VPS13B: variants seen among roughly 807,000 people sequenced by gnomAD.
VPS13B encodes intermembrane lipid transfer protein VPS13B.
A neutral mutation model predicts 426.4 loss-of-function variants in VPS13B; 285 were observed. The observed-to-expected ratio is 0.67, with a 90% CI of 0.61 to 0.74. The LOEUF is 0.74. VPS13B is among the 30% of genes least tolerant of loss of function. The pLI, the probability that VPS13B is intolerant of heterozygous loss-of-function variation, is 0.00. For missense variants in VPS13B, 4,537 were observed against 4,782.6 expected, an observed-to-expected ratio of 0.95 and a Z score of 1.51; for synonymous variants, 1,676 against 1,676.4, an observed-to-expected ratio of 1.00 and a Z score of 0.01.
intron 2 of VPS13B, among the ~76,000 whole-genome samples, chr8:99,033,320 C>T (rs1490409110): frequency 2.0e-5 from 3 of 152,160 alleles, no homozygotes; most frequent in African/African-American, 7.2e-5. Context: ...AGGTGTTAAT[C>T]TACTAAAAGT....
chr8:99,565,382 A>C (rs1198266504), intron 31 of VPS13B, among the ~76,000 whole-genome samples: 6 of 151,012 alleles, frequency 4.0e-5, no homozygotes, highest in Non-Finnish European at 8.8e-5. Context: ...TTTTTTACAC[A>C]TAAAGAATTT....
intron 19 of VPS13B, among the ~76,000 whole-genome samples, chr8:99,352,066 T>G (rs1286221585): frequency 5.3e-5 from 8 of 152,234 alleles, no homozygotes; most frequent in Non-Finnish European, 1.0e-4. Context: ...CTGTAACTGC[T>G]TAGGCTTGTG....
At chr8:99,278,840 C>A (rs1207063860) in intron 19 of VPS13B, among the ~76,000 whole-genome samples, 3 of 152,186 alleles carry the variant, frequency 2.0e-5, no homozygotes, top group Non-Finnish European at 2.9e-5. Context: ...CACTTCCTTC[C>A]TTGATTGCAT....
chr8:99,811,669 A>G (rs1371737469), intron 44 of VPS13B, among the ~76,000 whole-genome samples: 2 of 152,172 alleles, frequency 1.3e-5, no homozygotes, highest in East Asian at 3.8e-4. Context: ...CCCTCCATAG[A>G]GAAATGGTTT....
At chr8:99,604,487 T>C (rs1827475575) in intron 33 of VPS13B, among the ~76,000 whole-genome samples, 1 of 150,662 alleles carries the variant, frequency 6.6e-6, no homozygotes, top group South Asian at 2.1e-4. Flanking sequence ...TCTCATAGTT[T>C]CCTTGGTGTT....
At chr8:99,163,109 A>G (rs1457800628) in intron 15 of VPS13B, among the ~76,000 whole-genome samples, 4 of 152,166 alleles carry the variant, frequency 2.6e-5, no homozygotes, top group Non-Finnish European at 5.9e-5. Flanking sequence ...TGGTGTGTTT[A>G]CAAACCTTGA....
At position 99,355,505 on chromosome 8, in the gene VPS13B, C is replaced by T. The variant is rs538249075; in HGVS notation, c.2825-28703C>T. 1.9e-4 allele frequency among the ~76,000 whole-genome samples: 29 copies of T among 152,230 alleles called. No homozygotes were observed. In the East Asian group the frequency reaches 3.7e-3, roughly 19 times the overall value. ...ACTCAGGAGGCTGAGGCAGGAGAAT[C>T]GCTTGAACCTGGGAGGCGGAGGTTG... On this transcript the variant is annotated intron_variant, in intron 19 of 61. Transcript: ENST00000357162.
chr8:99,601,162 C>G (rs1039995151), intron 33 of VPS13B, among the ~76,000 whole-genome samples: 2 of 152,064 alleles, frequency 1.3e-5, no homozygotes, highest in South Asian at 2.1e-4. Context: ...CCCTGACCCC[C>G]CAACAGGCTC....
At chr8:99,387,059 C>T (rs567609967) in intron 20 of VPS13B, among the ~76,000 whole-genome samples, 11 of 152,222 alleles carry the variant, frequency 7.2e-5, no homozygotes, top group African/African-American at 2.6e-4. Flanking sequence ...TGTCTCCATA[C>T]CTAAATCTTT....
rs139320748 is a variant in VPS13B, at chr8:99,474,463, A to G, written c.3666+6829A>G. On this transcript the variant is annotated intron_variant, in intron 24 of 61. Coordinates refer to ENST00000357162, the MANE Select transcript of VPS13B (RefSeq NM_152564.5). ...CGGCCTCCCAAAGTGCTGGGATTAC[A>G]GGCATGAGCCACTGCACCCGGACTA... Among the ~76,000 whole-genome samples the G allele has an allele frequency of 3.5e-3, 530 of 152,256 alleles. 1 individual carries two copies. Among genetic ancestry groups the G allele is most frequent in the African/African-American group, 0.012 (506 of 41,546 alleles).
intron 19 of VPS13B, among the ~76,000 whole-genome samples, chr8:99,345,331 CA>C (rs911651315): frequency 5.3e-5 from 8 of 152,088 alleles, no homozygotes; most frequent in African/African-American, 1.9e-4. Flanking sequence ...TTTTCAAAAT[CA>C]GGGGCTGGCA....
chr8:99,564,530 G>T (rs1321980040), intron 31 of VPS13B, among the ~76,000 whole-genome samples: 1 of 152,180 alleles, frequency 6.6e-6, no homozygotes, highest in African/African-American at 2.4e-5. Flanking sequence ...GTTCAGCAGG[G>T]TCAAGAGTCA....
At chr8:99,202,023 C>T (rs1287868399) in intron 17 of VPS13B, among the ~76,000 whole-genome samples, 3 of 152,156 alleles carry the variant, frequency 2.0e-5, no homozygotes, top group Non-Finnish European at 4.4e-5. Context: ...ATCTGTTGTT[C>T]TTGTCCTAGA....
intron 13 of VPS13B, among the ~76,000 whole-genome samples, chr8:99,143,666 A>G (rs1314706628): frequency 6.6e-6 from 1 of 152,212 alleles, no homozygotes; most frequent in Non-Finnish European, 1.5e-5. Flanking sequence ...AGAGCATAAT[A>G]GTGTAATGAG....
intron 35 of VPS13B, among the ~76,000 whole-genome samples, chr8:99,670,379 G>A (rs1390477763): frequency 1.3e-5 from 2 of 151,978 alleles, no homozygotes; most frequent in Non-Finnish European, 2.9e-5. Flanking sequence ...AAACATTTAA[G>A]GTGTACAGTG....
chr8:99,875,663 T>C lies in VPS13B; in HGVS notation c.11991T>C (p.Pro3997=). 1 of 1,614,178 alleles carries C rather than the reference T, an allele frequency of 6.2e-7. No homozygotes were observed. Among genetic ancestry groups the C allele is most frequent in the Non-Finnish European group, 8.5e-7 (1 of 1,180,034 alleles). ...ATAAAGCCCTGAGGAAAGGGTTTCC[T>C]TGAGTCCCCTCTGAGGTGTTTATTC... ...VKNKALRKGF[P] Residue 3997 remains proline (P), a synonymous_variant, in exon 62 of 62, where the codon CCT becomes CCC. Transcript: ENST00000357162.
intron 21 of VPS13B, among the ~76,000 whole-genome samples, chr8:99,404,836 A>T (rs1196279780): frequency 2.6e-5 from 4 of 152,198 alleles, no homozygotes; most frequent in Admixed American, 2.6e-4. Context: ...TAAAATGATG[A>T]TAAGTTTACC....
intron 30 of VPS13B, among the ~76,000 whole-genome samples, chr8:99,540,067 T>A (rs867899413): frequency 5.8e-4 from 12 of 20,620 alleles, no homozygotes; most frequent in Non-Finnish European, 8.1e-4. Context: ...ATATATATTT[T>A]TTTTTTTTTT....
At position 99,362,542 on chromosome 8, in the gene VPS13B, G is replaced by C. The variant is rs185453858; in HGVS notation, c.2825-21666G>C. Among the ~76,000 whole-genome samples the C allele has an allele frequency of 2.0e-5, 3 of 152,260 alleles. No homozygotes were observed. In the East Asian group the frequency reaches 5.8e-4, roughly 29 times the overall value. ...TGAGGGCAGATTCAATATAAATGAT[G>C]AAGTAAGGGAAAAATGGTCTTATTT... On this transcript the variant is annotated intron_variant, in intron 19 of 61. Coordinates refer to ENST00000357162, the MANE Select transcript of VPS13B (RefSeq NM_152564.5).
Sources: gnomAD v4.1 joint callset for allele counts (sites outside exome capture counted in the v4.1 genomes callset) on GRCh38, gnomAD v4.1.1 for gene constraint, MANE v1.5 for transcripts, NCBI Gene and HGNC (gene_info 2026-07-23, HGNC 2026-07-21) for gene names.